The following CNTNAP5 variants were observed in gnomAD, a reference collection of about 807,000 sequenced individuals.
CNTNAP5 encodes the protein contactin associated protein family member 5, also known as contactin-associated protein-like 5.
In CNTNAP5, 72 loss-of-function variants were observed where a neutral mutation model predicts 150.2. The ratio of observed to expected loss-of-function variants is 0.48; its 90% confidence interval spans 0.40 to 0.58. CNTNAP5 has a LOEUF of 0.58. Among genes scored for constraint, CNTNAP5 ranks in the 20% least tolerant of loss-of-function variants. The pLI is 0.00. For missense variants in CNTNAP5, 1,636 were observed against 1,626.2 expected, an observed-to-expected ratio of 1.01 and a Z score of -0.10; for synonymous variants, 672 against 619.8, an observed-to-expected ratio of 1.08 and a Z score of -1.25.
chr2:124,232,327 A>C (rs1686643378), intron 2 of CNTNAP5, among the ~76,000 whole-genome samples: 1 of 152,156 alleles, frequency 6.6e-6, no homozygotes, highest in African/African-American at 2.4e-5. Context: ...CAGCTGGAAC[A>C]TTGTGTGGTA....
At chr2:124,395,432 T>G (rs747096280) in intron 3 of CNTNAP5, among the ~76,000 whole-genome samples, 11 of 152,078 alleles carry the variant, frequency 7.2e-5, no homozygotes, top group South Asian at 2.1e-4. Flanking sequence ...GCATAGGATG[T>G]GACAAAAGAC....
At chr2:124,615,666 T>A (rs558249310) in intron 12 of CNTNAP5, among the ~76,000 whole-genome samples, 2 of 152,034 alleles carry the variant, frequency 1.3e-5, no homozygotes, top group East Asian at 1.9e-4. Flanking sequence ...AAATCATGAA[T>A]GTTCTTAATG....
chr2:124,577,655 T>C (rs1000246364), intron 11 of CNTNAP5, among the ~76,000 whole-genome samples: 1 of 152,070 alleles, frequency 6.6e-6, no homozygotes, highest in Non-Finnish European at 1.5e-5. Context: ...AATGCAAGAT[T>C]GTACATGGTC....
intron 6 of CNTNAP5, 74 bp downstream of exon 6, chr2:124,447,011 AC>A: frequency 1.4e-6 from 2 of 1,428,170 alleles, no homozygotes; most frequent in Non-Finnish European, 1.9e-6. Context: ...CAGTGAGCAG[AC>A]CAACTGAGAG....
chr2:124,845,273 G>T (rs1214947260), intron 19 of CNTNAP5, among the ~76,000 whole-genome samples: 1 of 151,896 alleles, frequency 6.6e-6, no homozygotes, highest in Non-Finnish European at 1.5e-5. Context: ...TTTAGGTGTT[G>T]TATCACATTT....
chr2:124,187,141 G>GA (rs905882573), intron 1 of CNTNAP5, among the ~76,000 whole-genome samples: 1 of 151,830 alleles, frequency 6.6e-6, no homozygotes, highest in African/African-American at 2.4e-5. Flanking sequence ...CAATAGAAGA[G>GA]AAAAAAAGAG....
chr2:124,332,071 T>C (rs1334695320), intron 3 of CNTNAP5, among the ~76,000 whole-genome samples: 5 of 151,760 alleles, frequency 3.3e-5, no homozygotes, highest in African/African-American at 1.2e-4. Context: ...TTTAAGACAT[T>C]TTACAACTTT....
chr2:124,221,983 G>A (rs570970086), intron 2 of CNTNAP5, among the ~76,000 whole-genome samples, 174 bp downstream of exon 2: 10 of 152,228 alleles, frequency 6.6e-5, no homozygotes, highest in African/African-American at 2.4e-4. Flanking sequence ...TAGCATAATA[G>A]TCATTCAAAG....
chr2:124,839,862 A>T (rs971959954), intron 19 of CNTNAP5, among the ~76,000 whole-genome samples: 1 of 152,142 alleles, frequency 6.6e-6, no homozygotes, highest in Admixed American at 6.6e-5. Flanking sequence ...GATCTTTGCT[A>T]AATGTGAGGG....
rs183402425 is a variant in CNTNAP5, at chr2:124,056,363, G to C, written c.82+30631G>C. On this transcript the variant is annotated intron_variant, in intron 1 of 23. Transcript: ENST00000682447. ...GTGATGGCCAGGCACGGTGGCTCAC[G>C]CCTGTAATCCCAGCACTTTGGGAGG... Among the ~76,000 whole-genome samples, 8 of 152,264 alleles carry C rather than the reference G, an allele frequency of 5.3e-5. No individual in the cohort carries two copies. In the East Asian group the frequency reaches 1.5e-3, roughly 29 times the overall value.
chr2:124,747,090 G>A, intron 13 of CNTNAP5, 139 bp from the exon 14 acceptor site: 4 of 664,108 alleles, frequency 6.0e-6, no homozygotes, highest in Non-Finnish European at 9.4e-6. Flanking sequence ...GGGATGTGAG[G>A]GAGGGAAGAA....
intron 1 of CNTNAP5, among the ~76,000 whole-genome samples, chr2:124,061,599 G>T (rs1682012294): frequency 6.6e-6 from 1 of 152,066 alleles, no homozygotes; most frequent in African/African-American, 2.4e-5. Flanking sequence ...AAAAAAAGTG[G>T]AATACATTTC....
At chr2:124,843,213 C>A (rs747296890) in intron 19 of CNTNAP5, among the ~76,000 whole-genome samples, 3 of 152,074 alleles carry the variant, frequency 2.0e-5, no homozygotes, top group Non-Finnish European at 2.9e-5. Context: ...TCCATCCAGG[C>A]ATTTAGGTTG....
At chr2:124,499,926 T>C (rs947552674) in intron 7 of CNTNAP5, among the ~76,000 whole-genome samples, 1 of 152,132 alleles carries the variant, frequency 6.6e-6, no homozygotes, top group Admixed American at 6.5e-5. Context: ...CTGGGAAGTC[T>C]CATGATCTGC....
chr2:124,473,025 A>G (rs1165547412), intron 6 of CNTNAP5, among the ~76,000 whole-genome samples: 2 of 152,090 alleles, frequency 1.3e-5, no homozygotes, highest in African/African-American at 4.8e-5. Context: ...ATAAAAGTAT[A>G]TACAAGTATC....
At chr2:124,734,026 T>G (rs532258423) in intron 13 of CNTNAP5, among the ~76,000 whole-genome samples, 2 of 152,268 alleles carry the variant, frequency 1.3e-5, no homozygotes, top group African/African-American at 4.8e-5. Flanking sequence ...CACATAGCAA[T>G]GTGCTACTCG....
intron 13 of CNTNAP5, among the ~76,000 whole-genome samples, chr2:124,665,304 T>G (rs1219729357): frequency 6.6e-6 from 1 of 152,188 alleles, no homozygotes; most frequent in African/African-American, 2.4e-5. Flanking sequence ...TAACTCTATT[T>G]ATAGATCCTC....
intron 3 of CNTNAP5, among the ~76,000 whole-genome samples, chr2:124,416,043 G>C (rs1691909281): frequency 6.6e-6 from 1 of 151,182 alleles, no homozygotes; most frequent in Non-Finnish European, 1.5e-5. Flanking sequence ...TTAATTTTTA[G>C]TTTTTTTTTC....
intron 1 of CNTNAP5, among the ~76,000 whole-genome samples, chr2:124,117,154 G>A (rs1220776185): frequency 1.3e-5 from 2 of 152,082 alleles, no homozygotes; most frequent in Non-Finnish European, 2.9e-5. Context: ...TTCTGGTTTT[G>A]CTTTCAGAAA....
Sources: allele counts gnomAD v4.1 joint callset (sites outside exome capture counted in the v4.1 genomes callset), GRCh38; gene constraint gnomAD v4.1.1; transcripts MANE v1.5; gene names NCBI Gene and HGNC (gene_info 2026-07-23, HGNC 2026-07-21).